Variants in AREL1 observed in about 807,000 individuals in gnomAD.
AREL1 encodes the protein apoptosis-resistant E3 ubiquitin protein ligase 1.
In AREL1, 62 loss-of-function variants were observed where a neutral mutation model predicts 99.0. The observed-to-expected ratio is 0.63, with a 90% CI of 0.51 to 0.77. AREL1 has a LOEUF of 0.77. Among genes scored for constraint, AREL1 ranks in the 30% least tolerant of loss-of-function variants. AREL1 has a pLI of 0.00. For synonymous variants in AREL1, 380 were observed against 376.5 expected (o/e 1.01, Z -0.11); for missense variants, 879 against 1,027.6 (o/e 0.86, Z 1.98).
At chr14:74,707,911 G>A (rs1235112157) in intron 1 of AREL1, among the ~76,000 whole-genome samples, 2 of 145,908 alleles carry the variant, frequency 1.4e-5, no homozygotes, top group African/African-American at 5.1e-5. Flanking sequence ...GAGCCGAGAT[G>A]GCGCCACTGC....
intron 2 of AREL1, among the ~76,000 whole-genome samples, chr14:74,690,587 C>A (rs189522646): frequency 5.5e-4 from 84 of 152,310 alleles, no homozygotes; most frequent in African/African-American, 1.9e-3. Flanking sequence ...CTACAGCATG[C>A]TCTACTTTTT....
intron 1 of AREL1, among the ~76,000 whole-genome samples, chr14:74,700,754 T>C (rs748214335): frequency 1.3e-5 from 2 of 152,228 alleles, no homozygotes; most frequent in Non-Finnish European, 2.9e-5. Flanking sequence ...CACTCCAGTC[T>C]GGGCGACAGA....
At chr14:74,686,315 T>C (rs539604540) in intron 2 of AREL1, among the ~76,000 whole-genome samples, 2 of 152,220 alleles carry the variant, frequency 1.3e-5, no homozygotes, top group Non-Finnish European at 2.9e-5. Flanking sequence ...TCCTCAGTCA[T>C]GCCTGTCAAG....
intron 1 of AREL1, chr14:74,698,783 G>T: frequency 3.9e-6 from 1 of 255,198 alleles, no homozygotes; most frequent in South Asian, 3.5e-5. Context: ...CAGCACTTTG[G>T]GAGGCTGAGG....
rs559436402 is a variant in AREL1, at chr14:74,713,022, T to C, written c.-423A>G. 1.1e-4 allele frequency: 122 copies of C among 1,061,986 alleles called. 1 individual carries two copies. In the South Asian group the frequency reaches 1.5e-3, roughly 13 times the overall value. 65.8% of individuals were successfully genotyped at this position (1,061,986 alleles called of 1,614,324 possible). On this transcript the variant is annotated 5_prime_UTR_variant, in exon 1 of 20. Coordinates refer to ENST00000356357, the MANE Select transcript of AREL1 (RefSeq NM_001039479.2). ...TCAGCAGAAGACGGGCTCCCCACTC[T>C]CCCACCAACAGACCCCAGAGTTGGT...
At chr14:74,695,360 A>G (rs1041882868) in intron 1 of AREL1, among the ~76,000 whole-genome samples, 2 of 152,076 alleles carry the variant, frequency 1.3e-5, no homozygotes, top group African/African-American at 4.8e-5. Context: ...GATTACAGGA[A>G]TGAGCCACCA....
intron 5 of AREL1, among the ~76,000 whole-genome samples, chr14:74,681,109 C>T (rs1217060143): frequency 6.6e-6 from 1 of 151,918 alleles, no homozygotes; most frequent in African/African-American, 2.4e-5. Context: ...TTGCTTGGGC[C>T]CAACAGGTCA....
intron 1 of AREL1, among the ~76,000 whole-genome samples, chr14:74,697,996 A>C (rs2090008661): frequency 6.6e-6 from 1 of 152,192 alleles, no homozygotes. Flanking sequence ...TGGGGAGAAA[A>C]AAAAATTTCA....
chr14:74,671,128 T>C (rs2089328522), intron 12 of AREL1, among the ~76,000 whole-genome samples: 1 of 152,076 alleles, frequency 6.6e-6, no homozygotes, highest in Admixed American at 6.5e-5. Context: ...TGGACATTTC[T>C]CTCAAGGTAA....
chr14:74,690,116 T>C (rs1215546150), intron 2 of AREL1, among the ~76,000 whole-genome samples: 1 of 151,700 alleles, frequency 6.6e-6, no homozygotes, highest in Non-Finnish European at 1.5e-5. Flanking sequence ...CTGGGCGTGC[T>C]GGCACACACC....
Position 74,662,582 on chromosome 14 carries a change from G to A in AREL1, c.*1138C>T. ...TCCTCCCTCCTTAGTTCTCCTTCCT[G>A]ATAACTGATGGAGCAAAGGGGAGTA... is the stretch of plus-strand genomic sequence containing the variant. On this transcript the variant is annotated 3_prime_UTR_variant, in exon 20 of 20. Coordinates refer to ENST00000356357, the MANE Select transcript of AREL1 (RefSeq NM_001039479.2). 1 of 398,536 alleles carries A rather than the reference G, an allele frequency of 2.5e-6. No homozygotes were observed. The highest frequency in any genetic ancestry group is 4.4e-6 in the Non-Finnish European group (1 of 226,060). The allele number at this position is 398,536 out of a possible 1,614,324, so 24.7% of individuals were successfully genotyped here.
At chr14:74,678,087 G>A (rs1281769041) in intron 5 of AREL1, 1 of 407,638 alleles carries the variant, frequency 2.5e-6, no homozygotes, top group Non-Finnish European at 4.8e-6. Flanking sequence ...TATAGATTTA[G>A]TTAAGATTAT....
intron 18 of AREL1, 72 bp downstream of exon 18, chr14:74,664,764 T>C (rs1183943351): frequency 1.0e-5 from 14 of 1,401,096 alleles, no homozygotes; most frequent in Middle Eastern, 1.8e-4. Context: ...CGGCCTCCTC[T>C]ACTTTTTTCT....
In AREL1 at chr14:74,663,377, T is replaced by A. The variant is rs1420337013; in HGVS notation, c.*343A>T. The A allele has an allele frequency of 2.1e-5, 7 of 331,430 alleles. No homozygotes were observed. Among genetic ancestry groups the A allele is most frequent in the Non-Finnish European group, 2.4e-5 (4 of 169,050 alleles). 20.5% of individuals were successfully genotyped at this position (331,430 alleles called of 1,614,324 possible). A position where few individuals can be genotyped will look rare whatever the true frequency, so the allele number is the denominator to read the frequency against. ...TTGGAGCACAGTGTGGATTTAAGGG[T>A]CTCCACACCAGTTTCCCAACAGGGC... is the stretch of plus-strand genomic sequence containing the variant. On this transcript the variant is annotated 3_prime_UTR_variant, in exon 20 of 20. Transcript: ENST00000356357.
chr14:74,678,097 T>C (rs2139898171), intron 5 of AREL1: 1 of 418,398 alleles, frequency 2.4e-6, no homozygotes, highest in African/African-American at 2.1e-5. Context: ...GTTAAGATTA[T>C]TCTAAAATTT....
chr14:74,670,206 C>G, intron 13 of AREL1, 80 bp from the exon 14 acceptor site: 2 of 1,407,356 alleles, frequency 1.4e-6, no homozygotes, highest in Non-Finnish European at 1.9e-6. Flanking sequence ...TTCCCCAACC[C>G]CATGCCAAAG....
intron 8 of AREL1, 74 bp downstream of exon 8, chr14:74,675,625 G>A: frequency 1.3e-6 from 2 of 1,539,836 alleles, no homozygotes; most frequent in Non-Finnish European, 1.8e-6. Flanking sequence ...GTTACTTTGT[G>A]GTTTCTGCTA....
intron 12 of AREL1, 86 bp downstream of exon 12, chr14:74,671,322 T>C (rs2089336753): frequency 1.0e-5 from 1 of 96,298 alleles, no homozygotes; most frequent in South Asian, 4.9e-4. Context: ...TAAGAGTTGC[T>C]TTTTTTTTTT....
intron 5 of AREL1, among the ~76,000 whole-genome samples, chr14:74,682,780 C>T (rs183949162): frequency 1.3e-3 from 203 of 152,282 alleles, no homozygotes; most frequent in Middle Eastern, 3.4e-3. Flanking sequence ...CCAGCACCTC[C>T]TCCCTCTCTC....
Sources: allele counts gnomAD v4.1 joint callset (sites outside exome capture counted in the v4.1 genomes callset), GRCh38; gene constraint gnomAD v4.1.1; transcripts MANE v1.5; gene names NCBI Gene and HGNC (gene_info 2026-07-23, HGNC 2026-07-21).